The following ANTXR1 variants were observed in gnomAD, a reference collection of about 807,000 sequenced individuals.
The protein encoded by ANTXR1 is ANTXR cell adhesion molecule 1.
Under a neutral mutation model 78.1 loss-of-function variants are expected in ANTXR1, and 19 were observed. That is an observed-to-expected ratio of 0.24 (90% CI 0.17 to 0.36). The LOEUF is 0.36. Ranked by LOEUF, ANTXR1 falls within the 10% of genes least tolerant of loss-of-function variation. The probability of loss-of-function intolerance (pLI) is 1.00; values close to 1 mark genes in which losing one functional copy is unlikely to be tolerated. For synonymous variants in ANTXR1, 273 were observed against 260.5 expected, an observed-to-expected ratio of 1.05 and a Z score of -0.46; for missense variants, 518 against 718.6, an observed-to-expected ratio of 0.72 and a Z score of 3.19.
intron 3 of ANTXR1, among the ~76,000 whole-genome samples, chr2:69,052,333 A>G (rs975699204): frequency 2.6e-5 from 4 of 152,090 alleles, no homozygotes; most frequent in African/African-American, 9.7e-5. Flanking sequence ...ATTAAGACTT[A>G]TAAGTCACCA....
At chr2:69,101,129 C>T (rs1671602002) in intron 9 of ANTXR1, among the ~76,000 whole-genome samples, 1 of 152,206 alleles carries the variant, frequency 6.6e-6, no homozygotes, top group African/African-American at 2.4e-5. Flanking sequence ...ACTTATACTC[C>T]TTGTGGCACA....
Position 69,246,252 on chromosome 2 carries a change from C to T in ANTXR1, c.*767C>T. On this transcript the variant is annotated 3_prime_UTR_variant, in exon 18 of 18. Coordinates refer to ENST00000303714, the MANE Select transcript of ANTXR1 (RefSeq NM_032208.3). ...TCTAAAACCCACAGGCCATCAGCAG[C>T]TAGAGGTGGCTGGCTTTGGCCAGAC... 1 of 152,344 alleles carries T rather than the reference C, an allele frequency of 6.6e-6. No individual in the cohort carries two copies. 9.4% of individuals were successfully genotyped at this position (152,344 alleles called of 1,614,324 possible).
At chr2:69,137,582 CA>C (rs1373220987) in intron 12 of ANTXR1, among the ~76,000 whole-genome samples, 1 of 151,990 alleles carries the variant, frequency 6.6e-6, no homozygotes, top group Admixed American at 6.5e-5. Flanking sequence ...GCCTGGGCAA[CA>C]GGCTCTACAA....
At chr2:69,163,799 G>A (rs1200097720) in intron 13 of ANTXR1, among the ~76,000 whole-genome samples, 1 of 152,148 alleles carries the variant, frequency 6.6e-6, no homozygotes, top group Non-Finnish European at 1.5e-5. Context: ...TGGTGGCTGG[G>A]CAGCATTTTC....
At chr2:69,233,029 A>G (rs1675661844) in intron 17 of ANTXR1, among the ~76,000 whole-genome samples, 1 of 152,176 alleles carries the variant, frequency 6.6e-6, no homozygotes, top group Non-Finnish European at 1.5e-5. Flanking sequence ...TTGATGAATT[A>G]TTTTCTAAGA....
chr2:69,188,080 A>G (rs1272656209), intron 16 of ANTXR1, among the ~76,000 whole-genome samples: 1 of 151,062 alleles, frequency 6.6e-6, no homozygotes, highest in Non-Finnish European at 1.5e-5. Context: ...CCCACCACAA[A>G]AGCTGATGAC....
chr2:69,075,449 G>A, intron 6 of ANTXR1, 141 bp from the exon 7 acceptor site: 1 of 801,358 alleles, frequency 1.2e-6, no homozygotes, highest in Non-Finnish European at 2.2e-6. Context: ...CCTGGGGACA[G>A]GGATTGCCTT....
At chr2:69,220,789 C>T (rs773410853) in intron 17 of ANTXR1, among the ~76,000 whole-genome samples, 36 of 152,172 alleles carry the variant, frequency 2.4e-4, no homozygotes, top group Non-Finnish European at 4.0e-4. Flanking sequence ...TCCTAGCTAA[C>T]TATGAAACTA....
intron 9 of ANTXR1, among the ~76,000 whole-genome samples, chr2:69,102,640 A>G (rs4542888): frequency 0.42 from 63,401 of 152,084 alleles, 13,771 homozygotes; most frequent in Admixed American, 0.53. Context: ...AAGAAGTGAT[A>G]GGCCCTTCTT....
chr2:69,119,072 A>AGAAAAG (rs1672254792), intron 10 of ANTXR1, among the ~76,000 whole-genome samples: 1 of 152,040 alleles, frequency 6.6e-6, no homozygotes, highest in South Asian at 2.1e-4. Flanking sequence ...TCTCCCAAGC[A>AGAAAAG]GAAAAGGAAA....
intron 12 of ANTXR1, among the ~76,000 whole-genome samples, chr2:69,142,844 G>A (rs1260421154): frequency 6.6e-6 from 1 of 152,174 alleles, no homozygotes; most frequent in Non-Finnish European, 1.5e-5. Context: ...GGGAGGTGCT[G>A]GAGAGATAAG....
intron 17 of ANTXR1, among the ~76,000 whole-genome samples, chr2:69,206,498 C>T (rs1247668118): frequency 1.3e-5 from 2 of 152,220 alleles, no homozygotes; most frequent in Non-Finnish European, 2.9e-5. Flanking sequence ...TTCCTTCTTT[C>T]TCTAACAAGG....
rs115834257 is a variant in ANTXR1 at position 69,220,537 on chromosome 2, C to T, written c.1435-24688C>T. ...CTCTGGGTGTGTGACATTAAGATTA[C>T]AGCTTGTATGTAGAACATAAAAGGC... On this transcript the variant is annotated intron_variant, in intron 17 of 17. Coordinates refer to ENST00000303714, the MANE Select transcript of ANTXR1 (RefSeq NM_032208.3). 6.7e-3 allele frequency among the ~76,000 whole-genome samples: 1,018 copies of T among 152,312 alleles called. 8 individuals carry two copies. Among genetic ancestry groups the T allele is most frequent in the African/African-American group, 0.023 (955 of 41,556 alleles).
chr2:69,232,948 G>A (rs991475268), intron 17 of ANTXR1, among the ~76,000 whole-genome samples: 5 of 152,132 alleles, frequency 3.3e-5, no homozygotes, highest in Admixed American at 3.3e-4. Context: ...CTATCACAAC[G>A]AAGGAGATTT....
intron 13 of ANTXR1, among the ~76,000 whole-genome samples, chr2:69,158,874 AT>A (rs1197581302): frequency 9.2e-5 from 14 of 152,234 alleles, no homozygotes; most frequent in Non-Finnish European, 1.9e-4. Context: ...TAGTCCCATC[AT>A]ACATCGAGGA....
Position 69,115,356 on chromosome 2 carries a change from TTG to T in ANTXR1, c.803-7657_803-7656del, listed in dbSNP as rs79424644. Among the ~76,000 whole-genome samples, 63 of 152,350 alleles carry T rather than the reference TTG, an allele frequency of 4.1e-4. No individual in the cohort carries two copies. The East Asian group carries it at 4.4e-3, about 11-fold the overall frequency. On this transcript the variant is annotated intron_variant, in intron 10 of 17. Coordinates refer to ENST00000303714, the MANE Select transcript of ANTXR1 (RefSeq NM_032208.3). ...CTCAGTTTGTGCACACATCCACAAC[TTG>T]TGTTTTGCAGGTGCCTCAGTCGATG... is the stretch of plus-strand genomic sequence containing the variant.
intron 13 of ANTXR1, among the ~76,000 whole-genome samples, chr2:69,152,825 G>T (rs527737155): frequency 6.6e-6 from 1 of 152,154 alleles, no homozygotes; most frequent in South Asian, 2.1e-4. Flanking sequence ...AAGCACTTTG[G>T]CTACAAGATC....
chr2:69,103,418 A>G (rs1573881328), intron 10 of ANTXR1: 1 of 198,006 alleles, frequency 5.1e-6, no homozygotes, highest in East Asian at 1.2e-4. Context: ...TCTTGAATAA[A>G]CCGAAAACCA....
intron 10 of ANTXR1, among the ~76,000 whole-genome samples, chr2:69,117,672 G>A (rs1291719659): frequency 6.6e-6 from 1 of 152,128 alleles, no homozygotes; most frequent in Admixed American, 6.5e-5. Flanking sequence ...TATTTTAAAG[G>A]TGTGGAGGCC....
Sources: gnomAD v4.1 joint callset for allele counts (sites outside exome capture counted in the v4.1 genomes callset) on GRCh38, gnomAD v4.1.1 for gene constraint, MANE v1.5 for transcripts, NCBI Gene and HGNC (gene_info 2026-07-23, HGNC 2026-07-21) for gene names.